The following GPR157 variants were observed in gnomAD, a reference collection of about 807,000 sequenced individuals.
GPR157 encodes G protein-coupled receptor 157.
In GPR157, 16 loss-of-function variants were observed where a neutral mutation model predicts 23.5. The observed-to-expected ratio is 0.68, with a 90% CI of 0.46 to 1.04. The LOEUF is 1.04. Among genes scored for constraint, GPR157 ranks in the 50% least tolerant of loss-of-function variants. The pLI is 0.00. For synonymous variants in GPR157, 200 were observed against 221.5 expected (o/e 0.90, Z 0.86); for missense variants, 440 against 460.7 (o/e 0.96, Z 0.41).
intron 1 of GPR157, among the ~76,000 whole-genome samples, chr1:9,117,372 G>A (rs1040643519): frequency 1.3e-5 from 2 of 152,204 alleles, no homozygotes; most frequent in African/African-American, 4.8e-5. Flanking sequence ...CTCCAGCCAG[G>A]GGGCCACCCT....
intron 1 of GPR157, among the ~76,000 whole-genome samples, chr1:9,123,178 T>A (rs868363105): frequency 0.041 from 4,957 of 122,324 alleles, 405 homozygotes; most frequent in African/African-American, 0.14. Flanking sequence ...AAAAAAAATA[T>A]ATATATATAT....
In GPR157 at chr1:9,128,166, CG is replaced by C. The variant is rs1639004695; in HGVS notation, c.383+478del. On this transcript the variant is annotated intron_variant, in intron 1 of 3. Transcript: ENST00000377411. This position sits in a 1 kb window ranked among gnomAD's most constrained non-coding sequence, Gnocchi z 6.3. ...CTTTGTAAACTGTACAGCAGAGACA[CG>C]GCAGCTCGGGAGTGGCGGAGTGCAC... The C allele has an allele frequency of 2.3e-6, 1 of 425,708 alleles. No homozygotes were observed. 26.4% of individuals were successfully genotyped at this position (425,708 alleles called of 1,614,324 possible).
Position 9,105,337 on chromosome 1 carries a change from G to C in GPR157, c.792+149C>G. 2.9e-6 allele frequency: 2 copies of C among 680,398 alleles called. No individual in the cohort carries two copies. The highest frequency in any genetic ancestry group is 6.1e-5 in the Admixed American group (2 of 32,994). 42.1% of individuals were successfully genotyped at this position (680,398 alleles called of 1,614,324 possible). On this transcript the variant is annotated intron_variant, in intron 3 of 3. Coordinates refer to ENST00000377411, the MANE Select transcript of GPR157 (RefSeq NM_024980.5). The surrounding 1 kb of genome is among the most constrained non-coding windows in gnomAD (Gnocchi z 4.8). ...TCTCTTCAAGGTCCTGTCTCAGGCA[G>C]AGAGGAAGGCACAGCACAGTGGGGC...
rs1639011388 is a variant in GPR157, at chr1:9,128,396, G to A, written c.383+249C>T. The A allele has an allele frequency of 4.3e-6, 3 of 692,584 alleles. No homozygotes were observed. The highest frequency in any genetic ancestry group is 7.9e-6 in the Non-Finnish European group (3 of 379,092). The allele number at this position is 692,584 out of a possible 1,614,324, so 42.9% of individuals were successfully genotyped here. A position where few individuals can be genotyped will look rare whatever the true frequency, so the allele number is the denominator to read the frequency against. ...GGAAACAGGGCCCGGCTCTGGGGGC[G>A]AACTCTGTCCCCACTACCCCAAGGG... On this transcript the variant is annotated intron_variant, in intron 1 of 3. Transcript: ENST00000377411. The surrounding 1 kb of genome is among the most constrained non-coding windows in gnomAD (Gnocchi z 6.3).
intron 1 of GPR157, among the ~76,000 whole-genome samples, chr1:9,125,096 C>T (rs1638936915): frequency 1.3e-5 from 2 of 152,360 alleles, no homozygotes; most frequent in South Asian, 4.1e-4. Context: ...GAGAGAGCCC[C>T]ATTGCATTGC....
In GPR157 at chr1:9,111,884, C is replaced by A. The variant is rs146006726; in HGVS notation, c.384-395G>T. ...ACTTGGGAGGCTGAGGCAGGAGAAT[C>A]ATTTGAACCCAGGAGGTGGAGGTTG... On this transcript the variant is annotated intron_variant, in intron 1 of 3. Coordinates refer to ENST00000377411, the MANE Select transcript of GPR157 (RefSeq NM_024980.5). Among the ~76,000 whole-genome samples the A allele has an allele frequency of 4.0e-3, 610 of 152,258 alleles. 3 individuals are homozygous for A. Among genetic ancestry groups the A allele is most frequent in the African/African-American group, 0.013 (550 of 41,550 alleles).
At chr1:9,123,454 A>AAT (rs1373956301) in intron 1 of GPR157, among the ~76,000 whole-genome samples, 5 of 118,116 alleles carry the variant, frequency 4.2e-5, no homozygotes, top group African/African-American at 1.7e-4. Context: ...TACATATTAA[A>AAT]ATATATATTT....
intron 1 of GPR157, among the ~76,000 whole-genome samples, chr1:9,114,850 G>C (rs181409432): frequency 2.5e-4 from 38 of 149,992 alleles, no homozygotes; most frequent in Admixed American, 1.4e-3. Flanking sequence ...GAACCTGAGA[G>C]GCAGAGGTTG....
At chr1:9,112,880 C>G (rs963906116) in intron 1 of GPR157, among the ~76,000 whole-genome samples, 11 of 152,178 alleles carry the variant, frequency 7.2e-5, no homozygotes, top group African/African-American at 2.7e-4. Flanking sequence ...ATAGTGGCTC[C>G]TGAGAGAGGC....
rs910870962 is a variant in GPR157 at position 9,118,422 on chromosome 1, C to T, written c.384-6933G>A. 2.6e-5 allele frequency among the ~76,000 whole-genome samples: 4 copies of T among 152,110 alleles called. No homozygotes were observed. Among genetic ancestry groups the T allele is most frequent in the African/African-American group, 9.7e-5 (4 of 41,410 alleles). On this transcript the variant is annotated intron_variant, in intron 1 of 3. Transcript: ENST00000377411. The surrounding 1 kb of genome is among the most constrained non-coding windows in gnomAD (Gnocchi z 4.6). ...TGGGAGGAGGCCAAGCTGAGCCTGC[C>T]TGGACGGAGGAAGCCCGGGACAGCC...
Position 9,104,391 on chromosome 1 carries a change from T to C in GPR157, c.*28A>G. ...TGCCTACCCCCAGGAAGGCAGCACC[T>C]ATGCACAGAACTAGAAAGGACAAAA... On this transcript the variant is annotated 3_prime_UTR_variant, in exon 4 of 4. Transcript: ENST00000377411. 6.3e-7 allele frequency: 1 copy of C among 1,575,820 alleles called. No individual in the cohort carries two copies. Among genetic ancestry groups the C allele is most frequent in the Non-Finnish European group, 8.7e-7 (1 of 1,146,024 alleles).
At position 9,105,010 on chromosome 1, in the gene GPR157, C is replaced by G. The variant is rs574514785; in HGVS notation, c.793-376G>C. 2.8e-5 allele frequency among the ~76,000 whole-genome samples: 4 copies of G among 144,536 alleles called. No homozygotes were observed. The highest frequency in any genetic ancestry group is 4.6e-5 in the Non-Finnish European group (3 of 65,734). The allele number at this position is 144,536 out of a possible 152,430, so 94.8% of individuals were successfully genotyped here. On this transcript the variant is annotated intron_variant, in intron 3 of 3. Coordinates refer to ENST00000377411, the MANE Select transcript of GPR157 (RefSeq NM_024980.5). This position sits in a 1 kb window ranked among gnomAD's most constrained non-coding sequence, Gnocchi z 4.8. Reference sequence around the variant, plus strand: ...GCCAGACTCTGTCCCCGCACCCCCCCCCAAAAAAGAGAAATGGCTGAGAAA... The same window carrying G: ...GCCAGACTCTGTCCCCGCACCCCCCGCCAAAAAAGAGAAATGGCTGAGAAA...
At chr1:9,123,660 AAT>A (rs1278411197) in intron 1 of GPR157, among the ~76,000 whole-genome samples, 4 of 111,544 alleles carry the variant, frequency 3.6e-5, no homozygotes, top group African/African-American at 1.5e-4. Context: ...ATATATATTA[AAT>A]ATATATTTAA....
intron 1 of GPR157, among the ~76,000 whole-genome samples, chr1:9,112,808 C>A (rs373099260): frequency 7.9e-5 from 12 of 152,322 alleles, no homozygotes; most frequent in African/African-American, 2.9e-4. Context: ...CAGGAGTAGG[C>A]CCCTTCCCTG....
At position 9,102,438 on chromosome 1, in the gene GPR157, G is replaced by A. The variant is rs1199825002; in HGVS notation, c.*1981C>T. The A allele has an allele frequency of 6.8e-6, 1 of 146,138 alleles. No individual in the cohort carries two copies. The highest frequency in any genetic ancestry group is 6.8e-5 in the Admixed American group (1 of 14,736). The allele number at this position is 146,138 out of a possible 1,614,324, so 9.1% of individuals were successfully genotyped here. A position where few individuals can be genotyped will look rare whatever the true frequency, so the allele number is the denominator to read the frequency against. ...AAAAAAAAAAAAAAAAAAAGAAAGC[G>A]ACAAAAAGAAATCCATTTTCACAGG... On this transcript the variant is annotated 3_prime_UTR_variant, in exon 4 of 4. Transcript: ENST00000377411.
Position 9,101,483 on chromosome 1 carries a change from T to C in GPR157, c.*2936A>G, listed in dbSNP as rs1347090003. ...GCGATATTGCTGTTTTCGAGGTCGA[T>C]GGGCCAGGGGCCTGGGCTAAGGCAC... On this transcript the variant is annotated 3_prime_UTR_variant, in exon 4 of 4. Coordinates refer to ENST00000377411, the MANE Select transcript of GPR157 (RefSeq NM_024980.5). 1.3e-5 allele frequency: 2 copies of C among 152,288 alleles called. No homozygotes were observed. The highest frequency in any genetic ancestry group is 1.3e-4 in the Admixed American group (2 of 15,276). The allele number at this position is 152,288 out of a possible 1,614,324, so 9.4% of individuals were successfully genotyped here.
chr1:9,116,177 A>ATT (rs1638633852), intron 1 of GPR157, among the ~76,000 whole-genome samples: 1 of 9,808 alleles, frequency 1.0e-4, no homozygotes, highest in Non-Finnish European at 1.5e-4. Flanking sequence ...ATAATTATAT[A>ATT]TATTATATAT....
rs1045328943 is a variant in GPR157 at position 9,101,974 on chromosome 1, C to T, written c.*2445G>A. 3.3e-5 allele frequency: 5 copies of T among 152,202 alleles called. No individual in the cohort carries two copies. The South Asian group carries it at 1.0e-3, about 31-fold the overall frequency. 9.4% of individuals were successfully genotyped at this position (152,202 alleles called of 1,614,324 possible). Reference sequence around the variant, plus strand: ...AGTGAGGGTCTTTACCAGAGACATACCCAGAGATTTGCTGTAACGTCTTCA... The same window carrying T: ...AGTGAGGGTCTTTACCAGAGACATATCCAGAGATTTGCTGTAACGTCTTCA... On this transcript the variant is annotated 3_prime_UTR_variant, in exon 4 of 4. Coordinates refer to ENST00000377411, the MANE Select transcript of GPR157 (RefSeq NM_024980.5).
chr1:9,126,934 T>G (rs1418362772), intron 1 of GPR157, among the ~76,000 whole-genome samples: 2 of 151,784 alleles, frequency 1.3e-5, no homozygotes, highest in Non-Finnish European at 2.9e-5. Flanking sequence ...TGAGAGAGGG[T>G]GTTGCTCTGT....
Sources: gnomAD v4.1 joint callset for allele counts (sites outside exome capture counted in the v4.1 genomes callset) on GRCh38, gnomAD v4.1.1 for gene constraint, Gnocchi (gnomAD v3.1) non-coding constraint, MANE v1.5 for transcripts, NCBI Gene and HGNC (gene_info 2026-07-23, HGNC 2026-07-21) for gene names.